Variants in CFL2 observed in about 807,000 individuals in gnomAD.
CFL2 encodes cofilin-2.
In CFL2, 10 loss-of-function variants were observed where a neutral mutation model predicts 19.6. The ratio of observed to expected loss-of-function variants is 0.51; its 90% CI spans 0.31 to 0.86. CFL2 has a LOEUF of 0.86. Ranked by LOEUF, CFL2 falls within the 40% of genes least tolerant of loss-of-function variation. CFL2 has a pLI of 0.04. For missense variants in CFL2, 125 were observed against 192.1 expected (o/e 0.65, Z 2.06); for synonymous variants, 63 against 66.7 (o/e 0.95, Z 0.27).
chr14:34,710,767 TGAAATTACTA>T lies in CFL2; in HGVS notation c.*2088_*2097del, dbSNP rs1198518939. 1 of 451,018 alleles carries T rather than the reference TGAAATTACTA, an allele frequency of 2.2e-6. No individual in the cohort carries two copies. Among genetic ancestry groups the T allele is most frequent in the Admixed American group, 2.4e-5 (1 of 42,046 alleles). 27.9% of individuals were successfully genotyped at this position (451,018 alleles called of 1,614,324 possible). On this transcript the variant is annotated 3_prime_UTR_variant, in exon 4 of 4. Transcript: ENST00000298159. ...ACAGTTTAAAGCAATATTTAATCTC[TGAAATTACTA>T]GAGGCATACAAGAAAGTTAAGGAAT...
At position 34,714,486 on chromosome 14, in the gene CFL2, G is replaced by A. The variant is rs1240542010; in HGVS notation, c.3+52C>T. 2.6e-6 allele frequency: 4 copies of A among 1,545,100 alleles called. No homozygotes were observed. The Admixed American group carries it at 5.8e-5, about 22-fold the overall frequency. ...GGCGGCCTCACTCCCGGGGCCGTGC[G>A]GGGGGCTTTTCTCGCCTCGCCGCGG... On this transcript the variant is annotated intron_variant, in intron 1 of 3. Coordinates refer to ENST00000298159, the MANE Select transcript of CFL2 (RefSeq NM_138638.5).
intron 1 of CFL2, chr14:34,714,152 C>T (rs1885414528): frequency 8.0e-6 from 3 of 376,320 alleles, no homozygotes; most frequent in South Asian, 8.1e-5. Context: ...GGTTTTATTA[C>T]AGGCCGTCCA....
intron 1 of CFL2, chr14:34,713,977 CG>C: frequency 1.5e-6 from 1 of 661,562 alleles, no homozygotes. Flanking sequence ...TAGCCACTGA[CG>C]TTTCCTCATA....
At position 34,710,878 on chromosome 14, in the gene CFL2, A is replaced by G. The variant is rs541487219; in HGVS notation, c.*1987T>C. 2 of 454,136 alleles carry G rather than the reference A, an allele frequency of 4.4e-6. No homozygotes were observed. The highest frequency in any genetic ancestry group is 2.0e-5 in the African/African-American group (1 of 50,144). The allele number at this position is 454,136 out of a possible 1,614,324, so 28.1% of individuals were successfully genotyped here. A position where few individuals can be genotyped will look rare whatever the true frequency, so the allele number is the denominator to read the frequency against. On this transcript the variant is annotated 3_prime_UTR_variant, in exon 4 of 4. Transcript: ENST00000298159. Reference sequence around the variant, plus strand: ...TTTAAAAGAATGAGGAAATAACTCAATGAAAAATTCCATGGTGCCAAGTAT... The same window carrying G: ...TTTAAAAGAATGAGGAAATAACTCAGTGAAAAATTCCATGGTGCCAAGTAT...
chr14:34,714,211 G>C (rs1391016062), intron 1 of CFL2: 13 of 392,260 alleles, frequency 3.3e-5, no homozygotes, highest in Non-Finnish European at 5.0e-5. Flanking sequence ...TTAAAGCCTC[G>C]CGTGTTAAGT....
chr14:34,713,780 C>T, intron 1 of CFL2: 3 of 1,609,404 alleles, frequency 1.9e-6, no homozygotes, highest in East Asian at 2.2e-5. Flanking sequence ...GGGGTTTGGA[C>T]GTGGAAGCGA....
rs1416115669 is a variant in CFL2 at position 34,709,318 on chromosome 14, C to T, written c.*3547G>A. On this transcript the variant is annotated 3_prime_UTR_variant, in exon 4 of 4. Transcript: ENST00000298159. ...ACTGAGATTTAGAGATTTAATTTGC[C>T]AAATTGCATTATGAGAGGAAATTTA... 6.6e-6 allele frequency: 1 copy of T among 152,030 alleles called. No homozygotes were observed. Among genetic ancestry groups the T allele is most frequent in the Admixed American group, 6.6e-5 (1 of 15,242 alleles). The allele number at this position is 152,030 out of a possible 1,614,324, so 9.4% of individuals were successfully genotyped here. A position where few individuals can be genotyped will look rare whatever the true frequency, so the allele number is the denominator to read the frequency against.
rs1051450211 is a variant in CFL2, at chr14:34,711,435, C to T, written c.*1430G>A. ...TCTCTATAAGGAGCACAGTCTGGAC[C>T]ATAGCCAAATCCCACTACTAATGTT... On this transcript the variant is annotated 3_prime_UTR_variant, in exon 4 of 4. Coordinates refer to ENST00000298159, the MANE Select transcript of CFL2 (RefSeq NM_138638.5). The T allele has an allele frequency of 8.8e-6, 4 of 453,628 alleles. No homozygotes were observed. The highest frequency in any genetic ancestry group is 2.4e-5 in the Admixed American group (1 of 42,420). 28.1% of individuals were successfully genotyped at this position (453,628 alleles called of 1,614,324 possible).
rs553079487 is a variant in CFL2, at chr14:34,711,580, C to A, written c.*1285G>T. ...CATTAAACTTTTAAAGGACATTTTACAAATTATTTTCATTACGACCAAATA... is the reference window on the plus strand; with the variant it reads ...CATTAAACTTTTAAAGGACATTTTAAAAATTATTTTCATTACGACCAAATA... On this transcript the variant is annotated 3_prime_UTR_variant, in exon 4 of 4. Transcript: ENST00000298159. 1.5e-5 allele frequency: 7 copies of A among 454,082 alleles called. No individual in the cohort carries two copies. Among genetic ancestry groups the A allele is most frequent in the South Asian group, 9.3e-5 (6 of 64,406 alleles). The allele number at this position is 454,082 out of a possible 1,614,324, so 28.1% of individuals were successfully genotyped here.
intron 1 of CFL2, chr14:34,713,770 G>C: frequency 6.2e-7 from 1 of 1,611,436 alleles, no homozygotes; most frequent in African/African-American, 1.3e-5. Context: ...CCTTCTTAAA[G>C]GGGTTTGGAC....
At chr14:34,714,166 C>T in intron 1 of CFL2, 1 of 377,362 alleles carries the variant, frequency 2.6e-6, no homozygotes, top group East Asian at 4.8e-5. Flanking sequence ...CCGTCCAGAC[C>T]CTGACCCACA....
intron 1 of CFL2, chr14:34,713,827 T>G: frequency 1.3e-6 from 2 of 1,562,298 alleles, no homozygotes; most frequent in Non-Finnish European, 1.7e-6. Flanking sequence ...CCTGAAATGT[T>G]TCCTATTTCA....
intron 1 of CFL2, 128 bp downstream of exon 1, chr14:34,714,410 G>A (rs1885424090): frequency 2.2e-6 from 3 of 1,382,986 alleles, no homozygotes; most frequent in African/African-American, 1.5e-5. Flanking sequence ...GGAGAGCAGC[G>A]GAGCCGCAGA....
chr14:34,711,302 C>T lies in CFL2; in HGVS notation c.*1563G>A. 2.2e-6 allele frequency: 1 copy of T among 454,556 alleles called. No homozygotes were observed. The highest frequency in any genetic ancestry group is 4.4e-6 in the Non-Finnish European group (1 of 226,798). 28.2% of individuals were successfully genotyped at this position (454,556 alleles called of 1,614,324 possible). ...TGCCTGTTTTGCATACCAGTAGAAT[C>T]AAGTCCAGTTTTGCCATTTGTGGAT... On this transcript the variant is annotated 3_prime_UTR_variant, in exon 4 of 4. Transcript: ENST00000298159.
In CFL2 at chr14:34,711,548, G is replaced by C. The variant is rs1026426308; in HGVS notation, c.*1317C>G. The C allele has an allele frequency of 2.2e-6, 1 of 454,298 alleles. No homozygotes were observed. Among genetic ancestry groups the C allele is most frequent in the Admixed American group, 2.4e-5 (1 of 42,536 alleles). 28.1% of individuals were successfully genotyped at this position (454,298 alleles called of 1,614,324 possible). On this transcript the variant is annotated 3_prime_UTR_variant, in exon 4 of 4. Transcript: ENST00000298159. ...GTGAAATGACTGTTCCGAAACATCA[G>C]AAGTATCATTAAACTTTTAAAGGAC...
Position 34,711,482 on chromosome 14 carries a change from C to G in CFL2, c.*1383G>C, listed in dbSNP as rs1262770187. On this transcript the variant is annotated 3_prime_UTR_variant, in exon 4 of 4. Coordinates refer to ENST00000298159, the MANE Select transcript of CFL2 (RefSeq NM_138638.5). ...TGTTTAAGACTGCTATTATCAATTC[C>G]TATTCCAATTCAATTTGCAAAATAT... 4.4e-6 allele frequency: 2 copies of G among 454,378 alleles called. No homozygotes were observed. Among genetic ancestry groups the G allele is most frequent in the Admixed American group, 4.7e-5 (2 of 42,546 alleles). The allele number at this position is 454,378 out of a possible 1,614,324, so 28.1% of individuals were successfully genotyped here.
intron 1 of CFL2, chr14:34,714,074 T>A (rs1161577572): frequency 2.6e-6 from 1 of 388,828 alleles, no homozygotes; most frequent in Admixed American, 4.2e-5. Context: ...ACTGATCGAG[T>A]GTAAAAGCTT....
chr14:34,713,147 A>T lies in CFL2; in HGVS notation c.312-11T>A. On this transcript the variant is annotated splice_polypyrimidine_tract_variant and intron_variant, in intron 2 of 3. Transcript: ENST00000298159. ...GCACTTTCAGGAGCCCTACAGAAAA[A>T]AAAAAAATTATTGAATCCCATTTAT... 2 of 1,575,114 alleles carry T rather than the reference A, an allele frequency of 1.3e-6. No homozygotes were observed. Among genetic ancestry groups the T allele is most frequent in the Non-Finnish European group, 1.7e-6 (2 of 1,158,668 alleles).
chr14:34,713,051 A>G lies in CFL2; in HGVS notation c.388+9T>C, dbSNP rs781754042. 10 of 1,575,346 alleles carry G rather than the reference A, an allele frequency of 6.3e-6. No homozygotes were observed. The highest frequency in any genetic ancestry group is 8.6e-6 in the Non-Finnish European group (10 of 1,158,724). ...ATAATTTCTCTGCCCCAAATATTCA[A>G]GTTTGTACCTGTAAATTTCTTTTTA... On this transcript the variant is annotated intron_variant, in intron 3 of 3. Coordinates refer to ENST00000298159, the MANE Select transcript of CFL2 (RefSeq NM_138638.5).
Sources: gnomAD v4.1 joint callset for allele counts on GRCh38, gnomAD v4.1.1 for gene constraint, MANE v1.5 for transcripts, NCBI Gene and HGNC (gene_info 2026-07-23, HGNC 2026-07-21) for gene names.